Variants in MEP1B observed in about 807,000 individuals in gnomAD.
MEP1B encodes N-benzoyl-L-tyrosyl-P-amino-benzoic acid hydrolase subunit beta.
A neutral mutation model predicts 84.6 loss-of-function variants in MEP1B; 80 were observed. The ratio of observed to expected loss-of-function variants is 0.95; its 90% CI spans 0.79 to 1.14. The LOEUF (loss-of-function observed/expected upper bound fraction) is 1.14. MEP1B is among the 50% of genes most tolerant of loss of function. The pLI is 0.00. For synonymous variants in MEP1B, 273 were observed against 288.1 expected (o/e 0.95, Z 0.53); for missense variants, 766 against 855.1 (o/e 0.90, Z 1.30).
intron 14 of MEP1B, among the ~76,000 whole-genome samples, chr18:32,218,728 A>G (rs571036688): frequency 1.8e-4 from 27 of 152,082 alleles, no homozygotes; most frequent in Non-Finnish European, 3.4e-4. Context: ...ACTCCCTCTT[A>G]GGCACGTCCT....
At chr18:32,195,360 GT>G (rs1568264000) in intron 4 of MEP1B, 46 bp from the exon 5 acceptor site, 1 of 1,221,442 alleles carries the variant, frequency 8.2e-7, no homozygotes. Context: ...TTTCCTAAGT[GT>G]TTGCCTTATT....
intron 12 of MEP1B, among the ~76,000 whole-genome samples, chr18:32,216,615 G>T (rs1184208349): frequency 6.6e-6 from 1 of 152,198 alleles, no homozygotes; most frequent in Non-Finnish European, 1.5e-5. Context: ...TTGAGTTGGA[G>T]CCCCAGTAGG....
At chr18:32,215,290 A>C in intron 12 of MEP1B, 29 bp downstream of exon 12, 1 of 1,453,410 alleles carries the variant, frequency 6.9e-7, no homozygotes, top group Non-Finnish European at 9.2e-7. Flanking sequence ...TTTTATATAA[A>C]CTAGTTTTTT....
intron 9 of MEP1B, among the ~76,000 whole-genome samples, 157 bp from the exon 10 acceptor site, chr18:32,210,344 T>A (rs1176705904): frequency 6.6e-6 from 1 of 152,264 alleles, no homozygotes; most frequent in African/African-American, 2.4e-5. Flanking sequence ...CTTTTGCAAG[T>A]GCCAGATATG....
chr18:32,210,979 C>T (rs1422750922), intron 10 of MEP1B, among the ~76,000 whole-genome samples: 1 of 152,086 alleles, frequency 6.6e-6, no homozygotes, highest in Non-Finnish European at 1.5e-5. Flanking sequence ...AATAAAAATA[C>T]AAGGCTGGGC....
chr18:32,213,915 T>C (rs2041056833), intron 11 of MEP1B, among the ~76,000 whole-genome samples: 1 of 152,212 alleles, frequency 6.6e-6, no homozygotes, highest in African/African-American at 2.4e-5. Flanking sequence ...AATAATCTCT[T>C]AGGGCCCCAG....
intron 10 of MEP1B, among the ~76,000 whole-genome samples, chr18:32,211,648 T>A (rs2041028976): frequency 6.6e-6 from 1 of 152,182 alleles, no homozygotes; most frequent in Non-Finnish European, 1.5e-5. Context: ...GAGCAATTCC[T>A]GAGTGGGAAA....
At chr18:32,211,197 G>C (rs2144418331) in intron 10 of MEP1B, among the ~76,000 whole-genome samples, 1 of 152,264 alleles carries the variant, frequency 6.6e-6, no homozygotes, top group Non-Finnish European at 1.5e-5. Flanking sequence ...GAACCCGGGA[G>C]GCGGGGGTGG....
intron 1 of MEP1B, 99 bp downstream of exon 1, chr18:32,190,232 T>C (rs1413504010): frequency 2.3e-5 from 20 of 855,600 alleles, no homozygotes; most frequent in Non-Finnish European, 3.5e-5. Flanking sequence ...TTTTTATACA[T>C]CTTGAAATGT....
chr18:32,208,348 T>G, intron 9 of MEP1B, 77 bp downstream of exon 9: 1 of 1,336,128 alleles, frequency 7.5e-7, no homozygotes, highest in South Asian at 1.8e-5. Flanking sequence ...GAATGGGATT[T>G]TATCTCTAAT....
At chr18:32,208,057 GT>G in intron 8 of MEP1B, 61 bp from the exon 9 acceptor site, 1 of 1,565,584 alleles carries the variant, frequency 6.4e-7, no homozygotes, top group Admixed American at 1.7e-5. Context: ...GATAAGTTCA[GT>G]TTTTGTTACT....
chr18:32,202,355 C>T (rs774542055), intron 5 of MEP1B, among the ~76,000 whole-genome samples: 1 of 152,190 alleles, frequency 6.6e-6, no homozygotes, highest in Non-Finnish European at 1.5e-5. Context: ...AGCATTGGCT[C>T]TTACCCTTAT....
chr18:32,211,436 G>A (rs1425937163), intron 10 of MEP1B, among the ~76,000 whole-genome samples: 1 of 152,160 alleles, frequency 6.6e-6, no homozygotes, highest in Non-Finnish European at 1.5e-5. Context: ...ATCTGTCTCT[G>A]AACATTGCTG....
At chr18:32,208,399 T>A in intron 9 of MEP1B, 128 bp downstream of exon 9, 1 of 973,868 alleles carries the variant, frequency 1.0e-6, no homozygotes, top group Non-Finnish European at 1.4e-6. Context: ...AGGTTACTAC[T>A]GAGAAGTAGG....
At chr18:32,210,768 T>A (rs112496041) in intron 10 of MEP1B, 52 bp downstream of exon 10, 1 of 1,499,622 alleles carries the variant, frequency 6.7e-7, no homozygotes, top group Non-Finnish European at 9.3e-7. Context: ...CAATCTTAGG[T>A]CTTTTCTTTA....
chr18:32,194,543 C>T (rs1049005055), intron 4 of MEP1B, among the ~76,000 whole-genome samples: 22 of 152,016 alleles, frequency 1.4e-4, no homozygotes, highest in Admixed American at 3.3e-4. Flanking sequence ...CATCCACGTT[C>T]TCTCTTAGAC....
In MEP1B at chr18:32,217,870, T is replaced by C. The variant is rs1410698857; in HGVS notation, c.1996T>C (p.Leu666=). The C allele has an allele frequency of 6.2e-7, 1 of 1,613,970 alleles. No individual in the cohort carries two copies. The highest frequency in any genetic ancestry group is 2.2e-5 in the East Asian group (1 of 44,862). ...AVSSTVAVFA[L]MLIITLVSVY... is the part of the protein sequence containing the mutation. ...TTCATCTACTGTTGCTGTGTTTGCC[T>C]TGATGCTGATCATCACCCTTGTCAG... The change falls in exon 14 of 15, where the codon TTG becomes CTG. Residue 666 remains leucine (L), a synonymous_variant. Coordinates refer to ENST00000269202, the MANE Select transcript of MEP1B (RefSeq NM_005925.3).
chr18:32,211,705 T>C (rs1322581088), intron 10 of MEP1B, among the ~76,000 whole-genome samples: 2 of 152,106 alleles, frequency 1.3e-5, no homozygotes, highest in Non-Finnish European at 2.9e-5. Context: ...AGGAGAGCCA[T>C]GTTGACCACC....
At chr18:32,197,801 G>C (rs936253522) in intron 5 of MEP1B, among the ~76,000 whole-genome samples, 5 of 152,182 alleles carry the variant, frequency 3.3e-5, no homozygotes, top group African/African-American at 1.2e-4. Flanking sequence ...TGTGTTGCAT[G>C]ATGCTGAAGT....
Sources: gnomAD v4.1 joint callset for allele counts (sites outside exome capture counted in the v4.1 genomes callset) on GRCh38, gnomAD v4.1.1 for gene constraint, MANE v1.5 for transcripts, NCBI Gene and HGNC (gene_info 2026-07-23, HGNC 2026-07-21) for gene names.